The following IPO5 variants were observed in gnomAD, a reference collection of about 807,000 sequenced individuals.
IPO5 encodes the protein importin 5.
IPO5 carries 18 observed loss-of-function variants against 143.3 expected under a neutral mutation model. That is an observed-to-expected ratio of 0.13 (90% CI 0.09 to 0.19). IPO5 has a LOEUF of 0.19. Ranked by LOEUF, IPO5 falls within the 10% of genes least tolerant of loss-of-function variation. The pLI is 1.00. For missense variants in IPO5, 1,013 were observed against 1,336.9 expected (o/e 0.76, Z 3.78); for synonymous variants, 477 against 465.7 (o/e 1.02, Z -0.31).
At position 98,000,544 on chromosome 13, in the gene IPO5, C is replaced by G; in HGVS notation, c.1007C>G (p.Ala336Gly). 6.2e-7 allele frequency: 1 copy of G among 1,609,788 alleles called. No individual in the cohort carries two copies. The highest frequency in any genetic ancestry group is 8.5e-7 in the Non-Finnish European group (1 of 1,176,116). ...ELEDDDFDSN[A>G]VAGESALDRM... is the part of the protein sequence containing the mutation. Reference sequence around the variant, plus strand: ...AATTCTGTTTATGTGTTTAGCAATGCAGTTGCAGGCGAGAGTGCTCTAGAT... The same window carrying G: ...AATTCTGTTTATGTGTTTAGCAATGGAGTTGCAGGCGAGAGTGCTCTAGAT... The change falls in exon 13 of 29, where the codon GCA becomes GGA. Residue 336 changes from alanine (A) to glycine (G), a missense_variant. Physicochemically the swap from Ala to Gly is moderately conservative, Grantham distance 60. This residue lies in a region of IPO5 where 685 missense variants were observed against 994.9 expected (regional missense o/e 0.69). Coordinates refer to ENST00000651721, the MANE Select transcript of IPO5 (RefSeq NM_002271.6).
rs756977148 is a variant in IPO5 at position 98,016,718 on chromosome 13, GT to G, written c.2494-3del. ...AATCCATATGAGTGTTTATGTGTAT[GT>G]TTTTTTTAGGATGATAATGATGTTT... is the stretch of plus-strand genomic sequence containing the variant. On this transcript the variant is annotated splice_polypyrimidine_tract_variant and intron_variant, in intron 24 of 28. Transcript: ENST00000651721. 7.2e-5 allele frequency: 97 copies of G among 1,348,156 alleles called. No homozygotes were observed. Among genetic ancestry groups the G allele is most frequent in the Middle Eastern group, 1.9e-4 (1 of 5,266 alleles). The allele number at this position is 1,348,156 out of a possible 1,614,324, so 83.5% of individuals were successfully genotyped here.
rs747168670 is a variant in IPO5 at position 98,015,711 on chromosome 13, T to C, written c.2438-15T>C. The C allele has an allele frequency of 6.2e-7, 1 of 1,603,656 alleles. No homozygotes were observed. The highest frequency in any genetic ancestry group is 2.2e-5 in the East Asian group (1 of 44,772). On this transcript the variant is annotated splice_polypyrimidine_tract_variant and intron_variant, in intron 23 of 28. Transcript: ENST00000651721. ...CTTGGCAATCATTTAAAACATTTATTTGGGTGTGTTTTAGTTAAAAGACAA... is the reference window on the plus strand; with the variant it reads ...CTTGGCAATCATTTAAAACATTTATCTGGGTGTGTTTTAGTTAAAAGACAA...
At chr13:98,010,281 T>G (rs1889588755) in intron 20 of IPO5, 57 bp downstream of exon 20, 2 of 1,487,720 alleles carry the variant, frequency 1.3e-6, no homozygotes, top group South Asian at 1.2e-5. Flanking sequence ...ACATTTCATA[T>G]GAGTGCTTTT....
chr13:97,964,132 A>T (rs895451898), intron 2 of IPO5, among the ~76,000 whole-genome samples: 2 of 152,120 alleles, frequency 1.3e-5, no homozygotes, highest in African/African-American at 4.8e-5. Context: ...ATTTTCTCCC[A>T]TTCTGTAGGC....
At chr13:97,988,553 C>A in intron 6 of IPO5, among the ~76,000 whole-genome samples, 1 of 152,192 alleles carries the variant, frequency 6.6e-6, no homozygotes, top group East Asian at 1.9e-4. Flanking sequence ...TTTGGAAGGC[C>A]AAGGCAAGTG....
intron 5 of IPO5, among the ~76,000 whole-genome samples, 188 bp from the exon 6 acceptor site, chr13:97,985,233 A>T (rs988182682): frequency 1.3e-5 from 2 of 152,178 alleles, no homozygotes; most frequent in African/African-American, 4.8e-5. Context: ...AGTTCTCCTC[A>T]CCTTAAGTAC....
chr13:98,006,115 G>A lies in IPO5; in HGVS notation c.1498-15G>A, dbSNP rs1889219721. 1.9e-6 allele frequency: 3 copies of A among 1,555,334 alleles called. No individual in the cohort carries two copies. Among genetic ancestry groups the A allele is most frequent in the Non-Finnish European group, 2.7e-6 (3 of 1,127,730 alleles). On this transcript the variant is annotated splice_polypyrimidine_tract_variant and intron_variant, in intron 16 of 28. Coordinates refer to ENST00000651721, the MANE Select transcript of IPO5 (RefSeq NM_002271.6). ...CAGTTTTCCTTTGAGGTAATAATTT[G>A]TGTCTTCCTTCTAGCTGATTCAGAA...
intron 12 of IPO5, 29 bp downstream of exon 12, chr13:97,997,647 G>T: frequency 2.1e-6 from 3 of 1,435,896 alleles, no homozygotes; most frequent in Non-Finnish European, 2.9e-6. Flanking sequence ...CAGGGTGGCA[G>T]TGAAAGCCCT....
intron 6 of IPO5, among the ~76,000 whole-genome samples, chr13:97,988,858 G>A (rs1887590533): frequency 6.7e-6 from 1 of 149,044 alleles, no homozygotes; most frequent in Admixed American, 6.7e-5. Context: ...TTGTTGGTTT[G>A]TTTGGTCTTT....
At chr13:98,017,043 A>C (rs546121021) in intron 25 of IPO5, among the ~76,000 whole-genome samples, 192 bp downstream of exon 25, 1 of 152,284 alleles carries the variant, frequency 6.6e-6, no homozygotes, top group East Asian at 1.9e-4. Flanking sequence ...GAAGATTCCT[A>C]ACTTGGTTTT....
intron 20 of IPO5, 37 bp from the exon 21 acceptor site, chr13:98,012,209 C>T (rs1464330852): frequency 3.3e-6 from 4 of 1,217,820 alleles, no homozygotes; most frequent in Non-Finnish European, 4.9e-6. Context: ...TGAAGACTAA[C>T]ATGAATCTTT....
At chr13:97,996,834 C>T (rs757894257) in intron 11 of IPO5, among the ~76,000 whole-genome samples, 1 of 152,058 alleles carries the variant, frequency 6.6e-6, no homozygotes. Flanking sequence ...CCTCGTGATC[C>T]GCCTGCCTCA....
intron 25 of IPO5, 133 bp from the exon 26 acceptor site, chr13:98,018,352 T>C: frequency 1.5e-6 from 1 of 659,530 alleles, no homozygotes. Flanking sequence ...CAAGAAGTGG[T>C]TGTTACTATG....
intron 2 of IPO5, among the ~76,000 whole-genome samples, chr13:97,955,229 GA>G (rs113662514): frequency 0.011 from 1,571 of 136,978 alleles, 28 homozygotes; most frequent in African/African-American, 0.036. Flanking sequence ...ACCCTATCAC[GA>G]AAAAAAAAAA....
chr13:97,975,201 T>C (rs1886167577), intron 3 of IPO5, among the ~76,000 whole-genome samples: 2 of 123,962 alleles, frequency 1.6e-5, no homozygotes, highest in African/African-American at 6.2e-5. Flanking sequence ...CTGGGCGCAG[T>C]GGCTCATGCC....
rs1424022631 is a variant in IPO5 at position 97,982,583 on chromosome 13, G to A, written c.171G>A (p.Glu57=). The A allele has an allele frequency of 6.4e-7, 1 of 1,566,944 alleles. No individual in the cohort carries two copies. Among genetic ancestry groups the A allele is most frequent in the Admixed American group, 1.7e-5 (1 of 59,826 alleles). The change falls in exon 5 of 29, where the codon GAG becomes GAA. Residue 57 remains glutamate, a splice_region_variant and synonymous_variant. Coordinates refer to ENST00000651721, the MANE Select transcript of IPO5 (RefSeq NM_002271.6). ...TCAGAAATACAACAGCTGCTGAAGAGGTACTACCTTAATATTTGTGACTAT... is the reference window on the plus strand; with the variant it reads ...TCAGAAATACAACAGCTGCTGAAGAAGTACTACCTTAATATTTGTGACTAT... The part of the protein sequence containing the change: ...QAIRNTTAAE[E]ARQMAAVLLR...
intron 22 of IPO5, 58 bp downstream of exon 22, chr13:98,014,272 G>A: frequency 7.5e-7 from 1 of 1,336,238 alleles, no homozygotes; most frequent in Middle Eastern, 1.9e-4. Context: ...TATTAGTCTT[G>A]CTAAAAGTAA....
chr13:98,020,089 G>T (rs974230824), intron 27 of IPO5: 19 of 259,050 alleles, frequency 7.3e-5, no homozygotes, highest in African/African-American at 3.8e-4. Flanking sequence ...AATTTTTTTG[G>T]TAGCGACAAG....
At chr13:97,991,454 G>A (rs1887798309) in intron 9 of IPO5, among the ~76,000 whole-genome samples, 1 of 152,312 alleles carries the variant, frequency 6.6e-6, no homozygotes, top group Non-Finnish European at 1.5e-5. Flanking sequence ...TCCTAAAATA[G>A]TAAGGTTCTG....
Sources: allele counts gnomAD v4.1 joint callset (sites outside exome capture counted in the v4.1 genomes callset), GRCh38; gene constraint gnomAD v4.1.1; regional missense constraint gnomAD v4.1.1; transcripts MANE v1.5; gene names NCBI Gene and HGNC (gene_info 2026-07-23, HGNC 2026-07-21).